MYO18B: variants seen among roughly 807,000 people sequenced by gnomAD.
MYO18B encodes myosin XVIIIB.
MYO18B carries 204 observed loss-of-function variants against 273.0 expected under a neutral mutation model. The observed-to-expected ratio is 0.75, with a 90% CI of 0.67 to 0.84. The LOEUF is 0.84. Among genes scored for constraint, MYO18B ranks in the 40% least tolerant of loss-of-function variants. The pLI is 0.00. For missense variants in MYO18B, 3,212 were observed against 3,287.6 expected, an observed-to-expected ratio of 0.98 and a Z score of 0.56; for synonymous variants, 1,330 against 1,305.7, an observed-to-expected ratio of 1.02 and a Z score of -0.40.
chr22:25,961,081 C>T (rs1470513486), intron 39 of MYO18B, among the ~76,000 whole-genome samples: 1 of 151,880 alleles, frequency 6.6e-6, no homozygotes, highest in South Asian at 2.1e-4. Flanking sequence ...GAATTTGCTA[C>T]GTCTGCTGGC....
At chr22:25,950,345 A>ATTTTT in intron 36 of MYO18B, 22 bp from the exon 37 acceptor site, 1 of 1,411,930 alleles carries the variant, frequency 7.1e-7, no homozygotes, top group South Asian at 1.3e-5. Context: ...ATATATATAC[A>ATTTTT]TTTTTTTTTT....
At chr22:25,852,967 G>A (rs1448738945) in intron 21 of MYO18B, among the ~76,000 whole-genome samples, 2 of 152,220 alleles carry the variant, frequency 1.3e-5, no homozygotes, top group Non-Finnish European at 2.9e-5. Context: ...ACAAGAGGAT[G>A]TGATGGAGGA....
chr22:25,753,106 G>A (rs2085988881), intron 1 of MYO18B, among the ~76,000 whole-genome samples: 1 of 152,200 alleles, frequency 6.6e-6, no homozygotes, highest in South Asian at 2.1e-4. Context: ...GATCGCGCGC[G>A]GCCAGAGCCT....
At chr22:25,926,057 T>A (rs2092416657) in intron 34 of MYO18B, among the ~76,000 whole-genome samples, 1 of 151,196 alleles carries the variant, frequency 6.6e-6, no homozygotes, top group Non-Finnish European at 1.5e-5. Flanking sequence ...TATAAAAAAT[T>A]AGCCAGATGC....
Position 26,027,438 on chromosome 22 carries a change from C to T in MYO18B, c.7464C>T (p.Ile2488=). The T allele has an allele frequency of 1.9e-6, 3 of 1,613,972 alleles. No homozygotes were observed. Residue 2488 remains isoleucine (I), a synonymous_variant, in exon 43 of 44, where the codon ATC becomes ATT. Coordinates refer to ENST00000335473, the MANE Select transcript of MYO18B (RefSeq NM_032608.7). This position sits in a 1 kb window ranked among gnomAD's most constrained non-coding sequence, Gnocchi z 4.1. ...EEANRSFLSG[I]KTILKKSPEP... is the part of the protein sequence containing the mutation. ...CTAACCGTTCCTTTCTCTCGGGGAT[C>T]AAGACCATTTTGAAGAAGAGCCCGG...
chr22:25,867,312 C>G (rs1312042105), intron 21 of MYO18B, among the ~76,000 whole-genome samples: 1 of 152,186 alleles, frequency 6.6e-6, no homozygotes, highest in African/African-American at 2.4e-5. Flanking sequence ...CCCTAGCCAC[C>G]ATAATTCTTT....
At chr22:25,904,408 T>G (rs2091998920) in intron 31 of MYO18B, among the ~76,000 whole-genome samples, 1 of 152,162 alleles carries the variant, frequency 6.6e-6, no homozygotes, top group South Asian at 2.1e-4. Flanking sequence ...TAGGGAGATC[T>G]TAGTATTATC....
In MYO18B at chr22:25,913,196, T is replaced by G. The variant is rs370720294; in HGVS notation, c.5364+2146T>G. Reference sequence around the variant, plus strand: ...TATTCCCCAAAGTGATTGCAGCAGTTTCCATCGTCACTAGCCGTGTCTGAA... The same window carrying G: ...TATTCCCCAAAGTGATTGCAGCAGTGTCCATCGTCACTAGCCGTGTCTGAA... On this transcript the variant is annotated intron_variant, in intron 33 of 43. Transcript: ENST00000335473. 3.3e-5 allele frequency among the ~76,000 whole-genome samples: 5 copies of G among 152,178 alleles called. No individual in the cohort carries two copies. The East Asian group carries it at 7.7e-4, about 23-fold the overall frequency.
chr22:25,844,376 G>A (rs1234986630), intron 18 of MYO18B, among the ~76,000 whole-genome samples: 5 of 152,098 alleles, frequency 3.3e-5, no homozygotes, highest in Non-Finnish European at 5.9e-5. Flanking sequence ...GTGTGTGTGT[G>A]TGTGCATGCA....
chr22:25,850,706 C>T (rs1295392218), intron 20 of MYO18B, among the ~76,000 whole-genome samples: 2 of 152,070 alleles, frequency 1.3e-5, no homozygotes, highest in African/African-American at 2.4e-5. Context: ...AGAGTAGCTG[C>T]GACTACAGGA....
chr22:25,802,945 T>G (rs1216325267), intron 12 of MYO18B, among the ~76,000 whole-genome samples: 3 of 150,508 alleles, frequency 2.0e-5, no homozygotes, highest in Non-Finnish European at 4.4e-5. Flanking sequence ...CTTTTATGAC[T>G]GGCTGCTTTC....
chr22:25,831,652 G>A (rs2089711995), intron 15 of MYO18B, among the ~76,000 whole-genome samples: 1 of 152,186 alleles, frequency 6.6e-6, no homozygotes, highest in Admixed American at 6.5e-5. Context: ...CAAAGTGCTT[G>A]GATTACAGGC....
At chr22:25,963,706 A>G (rs563061297) in intron 39 of MYO18B, among the ~76,000 whole-genome samples, 97 of 151,774 alleles carry the variant, frequency 6.4e-4, no homozygotes, top group Non-Finnish European at 1.3e-3. Flanking sequence ...TACCTCAGAC[A>G]GCTAAGTTAA....
At position 25,911,032 on chromosome 22, in the gene MYO18B, C is replaced by T. The variant is rs116633725; in HGVS notation, c.5346C>T (p.Ile1782=). 5.0e-4 allele frequency: 797 copies of T among 1,604,350 alleles called. 2 individuals carry two copies. In the African/African-American group the frequency reaches 9.7e-3, roughly 20 times the overall value. The change falls in exon 33 of 44, where the codon ATC becomes ATT. Residue 1782 remains isoleucine (I), a synonymous_variant. Transcript: ENST00000335473. ...LHEKQDLEGL[I]GTLCDQIGHR... Reference sequence around the variant, plus strand: ...AGAAGCAAGATTTGGAAGGCTTGATCGGAACCCTCTGTGACCAGGTAAGGG... The same window carrying T: ...AGAAGCAAGATTTGGAAGGCTTGATTGGAACCCTCTGTGACCAGGTAAGGG...
chr22:25,891,283 A>T, intron 26 of MYO18B, 21 bp from the exon 27 acceptor site: 1 of 1,512,096 alleles, frequency 6.6e-7, no homozygotes, highest in Non-Finnish European at 9.0e-7. Context: ...TCTAGTTTAG[A>T]CCTTGAGCCC....
At chr22:26,017,040 C>G (rs1935395556) in intron 42 of MYO18B, among the ~76,000 whole-genome samples, 1 of 53,132 alleles carries the variant, frequency 1.9e-5, no homozygotes, top group Non-Finnish European at 5.2e-5. Flanking sequence ...TTCCTTCCTT[C>G]CTTCCTTCCT....
chr22:25,970,999 C>T (rs1295632354), intron 39 of MYO18B, among the ~76,000 whole-genome samples: 1 of 152,200 alleles, frequency 6.6e-6, no homozygotes, highest in Non-Finnish European at 1.5e-5. Context: ...ACACAGGTAG[C>T]AACTGGATGC....
intron 39 of MYO18B, among the ~76,000 whole-genome samples, chr22:25,959,611 G>A (rs2092895695): frequency 6.6e-6 from 1 of 152,132 alleles, no homozygotes; most frequent in Non-Finnish European, 1.5e-5. Flanking sequence ...CCCTGGGAGG[G>A]ATAGAATACA....
chr22:25,979,180 G>T (rs997136475), intron 39 of MYO18B, among the ~76,000 whole-genome samples: 3 of 152,126 alleles, frequency 2.0e-5, no homozygotes, highest in Non-Finnish European at 4.4e-5. Context: ...CTGCAATCAC[G>T]TGGGCTAGTG....
Sources: gnomAD v4.1 joint callset for allele counts (sites outside exome capture counted in the v4.1 genomes callset) on GRCh38, gnomAD v4.1.1 for gene constraint, Gnocchi (gnomAD v3.1) non-coding constraint, MANE v1.5 for transcripts, NCBI Gene and HGNC (gene_info 2026-07-23, HGNC 2026-07-21) for gene names.